The following PLEKHH2 variants were observed in gnomAD, a reference collection of about 807,000 sequenced individuals.
PLEKHH2 encodes pleckstrin homology domain-containing family H member 2.
In PLEKHH2, 129 loss-of-function variants were observed where a neutral mutation model predicts 187.9. The ratio of observed to expected loss-of-function variants is 0.69; its 90% confidence interval spans 0.59 to 0.79. The LOEUF (loss-of-function observed/expected upper bound fraction) is 0.79. Among genes scored for constraint, PLEKHH2 ranks in the 30% least tolerant of loss-of-function variants. The probability of loss-of-function intolerance (pLI) is 0.00; values close to 1 mark genes in which losing one functional copy is unlikely to be tolerated. For synonymous variants in PLEKHH2, 686 were observed against 605.6 expected, an observed-to-expected ratio of 1.13 and a Z score of -1.95; for missense variants, 2,076 against 1,751.2, an observed-to-expected ratio of 1.19 and a Z score of -3.31.
chr2:43,671,196 A>G (rs993847339), intron 2 of PLEKHH2, among the ~76,000 whole-genome samples: 1 of 152,060 alleles, frequency 6.6e-6, no homozygotes, highest in Non-Finnish European at 1.5e-5. Context: ...CATGTTGGCC[A>G]GGCTGGTCTA....
chr2:43,646,223 A>G (rs1666177873), intron 2 of PLEKHH2, among the ~76,000 whole-genome samples: 1 of 152,180 alleles, frequency 6.6e-6, no homozygotes, highest in Non-Finnish European at 1.5e-5. Flanking sequence ...CAAGTTGGAG[A>G]AGTTTTTTCT....
chr2:43,692,493 T>C lies in PLEKHH2; in HGVS notation c.187-21T>C, dbSNP rs765875067. The C allele has an allele frequency of 5.2e-6, 8 of 1,529,986 alleles. No homozygotes were observed. The African/African-American group carries it at 1.1e-4, about 21-fold the overall frequency. 94.8% of individuals were successfully genotyped at this position (1,529,986 alleles called of 1,614,324 possible). ...AACCTGAGTACACACACAATTTTAA[T>C]ATTTTATCCTTTGAATTTAGGTACA... is the stretch of plus-strand genomic sequence containing the variant. On this transcript the variant is annotated intron_variant, in intron 3 of 29. Coordinates refer to ENST00000282406, the MANE Select transcript of PLEKHH2 (RefSeq NM_172069.4).
At chr2:43,726,857 A>C (rs1670774947) in intron 17 of PLEKHH2, among the ~76,000 whole-genome samples, 1 of 152,198 alleles carries the variant, frequency 6.6e-6, no homozygotes, top group African/African-American at 2.4e-5. Context: ...TTTATGATAA[A>C]GGAGGTATCA....
Position 43,740,266 on chromosome 2 carries a change from G to A in PLEKHH2, c.3124-680G>A, listed in dbSNP as rs528358668. Among the ~76,000 whole-genome samples, 8 of 152,202 alleles carry A rather than the reference G, an allele frequency of 5.3e-5. No individual in the cohort carries two copies. In the East Asian group the frequency reaches 1.4e-3, roughly 26 times the overall value. On this transcript the variant is annotated intron_variant, in intron 20 of 29. Transcript: ENST00000282406. ...TGCTTAACATTTTTTAACAAATGCAGTGTTTTATAGGATAAAGAAATTAAA... is the reference window on the plus strand; with the variant it reads ...TGCTTAACATTTTTTAACAAATGCAATGTTTTATAGGATAAAGAAATTAAA...
chr2:43,749,677 G>T (rs1671929273), intron 24 of PLEKHH2, among the ~76,000 whole-genome samples: 1 of 152,238 alleles, frequency 6.6e-6, no homozygotes. Flanking sequence ...GATAGCCACA[G>T]CTATGAGAAA....
At chr2:43,710,882 A>G (rs2104517968) in intron 14 of PLEKHH2, 1 of 1,125,078 alleles carries the variant, frequency 8.9e-7, no homozygotes, top group East Asian at 5.7e-5. Context: ...AGGAAGGGTT[A>G]TCTGGTAAAT....
intron 17 of PLEKHH2, among the ~76,000 whole-genome samples, chr2:43,729,227 G>T (rs1036822824): frequency 2.0e-5 from 3 of 152,130 alleles, no homozygotes; most frequent in Non-Finnish European, 4.4e-5. Flanking sequence ...TTTGGTGAAT[G>T]GGATAAGACG....
At chr2:43,645,978 T>C (rs1195848592) in intron 2 of PLEKHH2, among the ~76,000 whole-genome samples, 2 of 152,124 alleles carry the variant, frequency 1.3e-5, no homozygotes, top group Non-Finnish European at 1.5e-5. Flanking sequence ...ACAGAATTAT[T>C]ATAATAACAT....
chr2:43,677,436 A>G (rs1281678455), intron 2 of PLEKHH2, among the ~76,000 whole-genome samples: 1 of 152,194 alleles, frequency 6.6e-6, no homozygotes, highest in Middle Eastern at 3.2e-3. Flanking sequence ...TCTGTTTAAC[A>G]AAGCATATCT....
chr2:43,765,148 T>G (rs1672572418), intron 29 of PLEKHH2, among the ~76,000 whole-genome samples: 1 of 152,266 alleles, frequency 6.6e-6, no homozygotes. Context: ...AGAGTTCTAC[T>G]ACTGACTGTC....
chr2:43,685,240 A>T (rs747163875), intron 3 of PLEKHH2, among the ~76,000 whole-genome samples: 27 of 152,364 alleles, frequency 1.8e-4, no homozygotes, highest in East Asian at 5.8e-4. Context: ...CACTAAAAGC[A>T]GTACTCAGCT....
At chr2:43,700,857 C>T (rs992739786) in intron 8 of PLEKHH2, among the ~76,000 whole-genome samples, 1 of 152,142 alleles carries the variant, frequency 6.6e-6, no homozygotes, top group East Asian at 1.9e-4. Context: ...GCCATGTTGG[C>T]CAGGCTGGTC....
chr2:43,678,759 G>GAGGGGGAGGTGC, intron 2 of PLEKHH2, 104 bp from the exon 3 acceptor site: 1 of 678,584 alleles, frequency 1.5e-6, no homozygotes. Context: ...GGTGGAGGTG[G>GAGGGGGAGGTGC]AGGTGGAGGT....
At chr2:43,680,367 AT>A (rs1234386403) in intron 3 of PLEKHH2, 1 of 123,326 alleles carries the variant, frequency 8.1e-6, no homozygotes, top group Non-Finnish European at 1.9e-5. Flanking sequence ...GTATACACAC[AT>A]GGAAATATCC....
chr2:43,681,641 C>T (rs1304316970), intron 3 of PLEKHH2: 16 of 653,720 alleles, frequency 2.4e-5, no homozygotes, highest in Non-Finnish European at 4.3e-5. Context: ...TTTTGTTCTC[C>T]TACCATAGTG....
chr2:43,671,707 C>T (rs892084359), intron 2 of PLEKHH2, among the ~76,000 whole-genome samples: 4 of 152,088 alleles, frequency 2.6e-5, no homozygotes, highest in Non-Finnish European at 5.9e-5. Context: ...CTTCATCTAT[C>T]GAAATGATAT....
chr2:43,760,359 C>CTTTTTTTTTTTTT (rs763777313), intron 27 of PLEKHH2, among the ~76,000 whole-genome samples: 1 of 119,076 alleles, frequency 8.4e-6, no homozygotes, highest in Non-Finnish European at 1.7e-5. Context: ...ACCCTTTAAC[C>CTTTTTTTTTTTTT]TTTTTTTTTT....
intron 24 of PLEKHH2, among the ~76,000 whole-genome samples, chr2:43,750,492 A>AG (rs1558618044): frequency 2.0e-5 from 3 of 151,768 alleles, no homozygotes; most frequent in Non-Finnish European, 4.4e-5. Context: ...AAAAAAAAAA[A>AG]AGAGAGAGAG....
chr2:43,720,598 G>A (rs2104544332), intron 15 of PLEKHH2, 71 bp from the exon 16 acceptor site: 2 of 1,574,908 alleles, frequency 1.3e-6, no homozygotes, highest in Non-Finnish European at 1.7e-6. Flanking sequence ...ACTCAAATAG[G>A]GTGTATAAGC....
Sources: allele counts gnomAD v4.1 joint callset (sites outside exome capture counted in the v4.1 genomes callset), GRCh38; gene constraint gnomAD v4.1.1; transcripts MANE v1.5; gene names NCBI Gene and HGNC (gene_info 2026-07-23, HGNC 2026-07-21).